TMBIM1: variants seen among roughly 807,000 people sequenced by gnomAD.
TMBIM1 encodes transmembrane BAX inhibitor motif containing 1, also known as protein lifeguard 3.
TMBIM1 carries 34 observed loss-of-function variants against 45.1 expected under a neutral mutation model. The observed-to-expected ratio is 0.75, with a 90% confidence interval of 0.57 to 1.00. The LOEUF (loss-of-function observed/expected upper bound fraction) is 1.00, where lower values mean the gene tolerates loss of function less well. Among genes scored for constraint, TMBIM1 ranks in the 50% least tolerant of loss-of-function variants. The pLI, the probability that TMBIM1 is intolerant of heterozygous loss-of-function variation, is 0.00. For missense variants in TMBIM1, 374 were observed against 402.4 expected (o/e 0.93, Z 0.60); for synonymous variants, 157 against 153.5 (o/e 1.02, Z -0.17).
Position 218,277,454 on chromosome 2 carries a change from C to G in TMBIM1, c.552-1G>C, listed in dbSNP as rs767200181. ...GATGACGGCTTTGGTTTGGTACATACTGGGGAGAAGCAGGAGTTACAGACA... is the reference window on the plus strand; with the variant it reads ...GATGACGGCTTTGGTTTGGTACATAGTGGGGAGAAGCAGGAGTTACAGACA... On this transcript the variant is annotated splice_acceptor_variant, in intron 8 of 11. Coordinates refer to ENST00000258412, the MANE Select transcript of TMBIM1 (RefSeq NM_022152.6). LOFTEE classifies it high-confidence loss of function. 1.9e-6 allele frequency: 3 copies of G among 1,613,984 alleles called. No individual in the cohort carries two copies. Among genetic ancestry groups the G allele is most frequent in the Non-Finnish European group, 2.5e-6 (3 of 1,180,022 alleles).
intron 2 of TMBIM1, chr2:218,281,122 G>GTTTTTTT (rs1559504614): frequency 9.0e-5 from 1 of 11,062 alleles, no homozygotes; most frequent in East Asian, 3.7e-3. Flanking sequence ...GTTTTGTTTT[G>GTTTTTTT]TTTTTTGTTT....
chr2:218,281,799 A>G, intron 2 of TMBIM1, 141 bp downstream of exon 2: 1 of 773,654 alleles, frequency 1.3e-6, no homozygotes, highest in South Asian at 1.7e-5. Flanking sequence ...AAAGACAGAA[A>G]CAGAGGGAGA....
Position 218,275,214 on chromosome 2 carries a change from G to A in TMBIM1, c.*261C>T. On this transcript the variant is annotated 3_prime_UTR_variant, in exon 12 of 12. Coordinates refer to ENST00000258412, the MANE Select transcript of TMBIM1 (RefSeq NM_022152.6). ...AGGAAGAATGTGGTGTCATACAGTA[G>A]GTGGCGGGGAGAAGACACATCTTCA... 1 of 367,640 alleles carries A rather than the reference G, an allele frequency of 2.7e-6. No individual in the cohort carries two copies. The allele number at this position is 367,640 out of a possible 1,614,324, so 22.8% of individuals were successfully genotyped here. A position where few individuals can be genotyped will look rare whatever the true frequency, so the allele number is the denominator to read the frequency against.
At position 218,275,563 on chromosome 2, in the gene TMBIM1, T is replaced by G; in HGVS notation, c.848A>C (p.Glu283Ala). The change falls in exon 12 of 12, where the codon GAG (glutamate) becomes GCG (alanine). Residue 283 changes from glutamate to alanine, a missense_variant. Physicochemically the swap from Glu to Ala is moderately radical, Grantham distance 107. Transcript: ENST00000258412. ...LGNRKHTISP[E>A]DYITGALQIY... ...CTGCAGGGCGCCAGTGATGTAGTCCTCGGGGCTGATGGTGTGCTTCCGGTT... is the reference window on the plus strand; with the variant it reads ...CTGCAGGGCGCCAGTGATGTAGTCCGCGGGGCTGATGGTGTGCTTCCGGTT... 6.2e-7 allele frequency: 1 copy of G among 1,613,990 alleles called. No individual in the cohort carries two copies. Among genetic ancestry groups the G allele is most frequent in the Non-Finnish European group, 8.5e-7 (1 of 1,179,986 alleles).
rs1277416155 is a variant in TMBIM1, at chr2:218,277,961, A to G, written c.487T>C (p.Trp163Arg). 1.9e-6 allele frequency: 3 copies of G among 1,614,222 alleles called. No homozygotes were observed. Among genetic ancestry groups the G allele is most frequent in the Non-Finnish European group, 2.5e-6 (3 of 1,180,030 alleles). Residue 163 changes from tryptophan (W) to arginine (R), a missense_variant, in exon 7 of 12, where the codon TGG becomes CGG. Transcript: ENST00000258412. ...AAAAGGGTCAGCAGAATGATGTTCC[A>G]TGGGAAACGGCGTCTGAAGGGAAAG... ...CCQGPRRRFP[W>R]NIILLTLFTF... is the part of the protein sequence containing the mutation.
intron 1 of TMBIM1, chr2:218,285,685 T>C (rs999346979): frequency 6.6e-6 from 1 of 152,336 alleles, no homozygotes; most frequent in Admixed American, 6.5e-5. Context: ...GCTGTCTACA[T>C]AGAGAGACCT....
At chr2:218,284,349 T>C (rs1692325955) in intron 1 of TMBIM1, 1 of 152,360 alleles carries the variant, frequency 6.6e-6, no homozygotes, top group African/African-American at 2.4e-5. Flanking sequence ...AACTCGGCTC[T>C]GCAGGGCCTG....
At chr2:218,287,710 C>CA (rs1381874867) in intron 1 of TMBIM1, among the ~76,000 whole-genome samples, 25 of 150,450 alleles carry the variant, frequency 1.7e-4, no homozygotes, top group Non-Finnish European at 2.7e-4. Context: ...AACCCCATCT[C>CA]AAAAAAAAAG....
At chr2:218,276,884 C>T (rs1172065591) in intron 10 of TMBIM1, 120 bp downstream of exon 10, 2 of 764,944 alleles carry the variant, frequency 2.6e-6, no homozygotes, top group Non-Finnish European at 4.5e-6. Context: ...GCTAGCCAGT[C>T]GAGAGGTTCT....
intron 1 of TMBIM1, among the ~76,000 whole-genome samples, chr2:218,288,927 C>T (rs1692733388): frequency 6.6e-6 from 1 of 152,172 alleles, no homozygotes; most frequent in African/African-American, 2.4e-5. Context: ...TATTCTTACC[C>T]TCATCCCACT....
intron 11 of TMBIM1, 144 bp downstream of exon 11, chr2:218,275,882 A>G (rs762117520): frequency 8.4e-6 from 9 of 1,067,990 alleles, no homozygotes; most frequent in East Asian, 5.2e-5. Flanking sequence ...ACAAAAATCA[A>G]TGGAATCTCT....
chr2:218,290,497 G>A (rs1221390152), intron 1 of TMBIM1, among the ~76,000 whole-genome samples: 2 of 152,094 alleles, frequency 1.3e-5, no homozygotes, highest in East Asian at 3.9e-4. Context: ...TCACTCTCAG[G>A]GGGTCAGCCC....
rs768237289 is a variant in TMBIM1 at position 218,275,637 on chromosome 2, A to T, written c.790-16T>A. 6.2e-7 allele frequency: 1 copy of T among 1,603,362 alleles called. No individual in the cohort carries two copies. Among genetic ancestry groups the T allele is most frequent in the Non-Finnish European group, 8.5e-7 (1 of 1,175,956 alleles). ...AAGCCAGGAACTGCAAGGATAGGGAAGCCAGAAGTGAGAACTCAGGCATCA... is the reference window on the plus strand; with the variant it reads ...AAGCCAGGAACTGCAAGGATAGGGATGCCAGAAGTGAGAACTCAGGCATCA... On this transcript the variant is annotated splice_polypyrimidine_tract_variant and intron_variant, in intron 11 of 11. Transcript: ENST00000258412.
Position 218,280,167 on chromosome 2 carries a change from C to T in TMBIM1, c.203-41G>A, listed in dbSNP as rs1343775804. On this transcript the variant is annotated intron_variant, in intron 2 of 11. Transcript: ENST00000258412. ...ACTTGACTCAGCTGGGGACCTGAGA[C>T]ATGTGGCGTCAATCCCAAAGCCTCC... 5 of 1,433,614 alleles carry T rather than the reference C, an allele frequency of 3.5e-6. No individual in the cohort carries two copies. In the Admixed American group the frequency reaches 8.4e-5, roughly 24 times the overall value. The allele number at this position is 1,433,614 out of a possible 1,614,324, so 88.8% of individuals were successfully genotyped here.
intron 1 of TMBIM1, chr2:218,283,957 G>C (rs909046481): frequency 3.3e-5 from 5 of 152,114 alleles, no homozygotes; most frequent in Non-Finnish European, 7.3e-5. Flanking sequence ...ATGAGGTCAG[G>C]AGTTCGAGAC....
At chr2:218,280,703 C>T (rs1250747657) in intron 2 of TMBIM1, 1 of 150,068 alleles carries the variant, frequency 6.7e-6, no homozygotes, top group Non-Finnish European at 1.5e-5. Context: ...GCAAACATTC[C>T]CTGAATGCCT....
At chr2:218,285,514 C>T (rs973549935) in intron 1 of TMBIM1, among the ~76,000 whole-genome samples, 7 of 152,182 alleles carry the variant, frequency 4.6e-5, no homozygotes, top group Admixed American at 1.3e-4. Flanking sequence ...CCAACGGCCC[C>T]AGGAGAAGAG....
chr2:218,281,066 G>A (rs983543808), intron 2 of TMBIM1: 2 of 150,390 alleles, frequency 1.3e-5, no homozygotes, highest in Non-Finnish European at 3.0e-5. Flanking sequence ...GCCTCCCAAA[G>A]TGTTGAGATT....
At chr2:218,277,293 C>T in intron 9 of TMBIM1, 73 bp downstream of exon 9, 1 of 1,401,896 alleles carries the variant, frequency 7.1e-7, no homozygotes, top group South Asian at 1.2e-5. Flanking sequence ...GGGAACATCC[C>T]TAGTGTGCCG....
Sources: allele counts gnomAD v4.1 joint callset (sites outside exome capture counted in the v4.1 genomes callset), GRCh38; gene constraint gnomAD v4.1.1; transcripts MANE v1.5; gene names NCBI Gene and HGNC (gene_info 2026-07-23, HGNC 2026-07-21).